CRACDL: variants seen among roughly 807,000 people sequenced by gnomAD.
CRACDL encodes CRACD-like protein.
CRACDL carries 26 observed loss-of-function variants against 70.6 expected under a neutral mutation model. That is an observed-to-expected ratio of 0.37 (90% CI 0.27 to 0.51). The LOEUF is 0.51. Ranked by LOEUF, CRACDL falls within the 20% of genes least tolerant of loss-of-function variation. CRACDL has a pLI of 0.94. For synonymous variants in CRACDL, 618 were observed against 615.2 expected (o/e 1.00, Z -0.07); for missense variants, 1,283 against 1,376.9 (o/e 0.93, Z 1.08).
At chr2:98,928,382 TACAG>T (rs1052020748) in intron 1 of CRACDL, among the ~76,000 whole-genome samples, 3 of 152,136 alleles carry the variant, frequency 2.0e-5, no homozygotes, top group African/African-American at 4.8e-5. Flanking sequence ...GGCTTGATGG[TACAG>T]ACAGTTACTG....
At chr2:98,797,934 CTT>C (rs1331882232) in intron 7 of CRACDL, among the ~76,000 whole-genome samples, 3 of 152,182 alleles carry the variant, frequency 2.0e-5, no homozygotes, top group Non-Finnish European at 4.4e-5. Flanking sequence ...CTATTAATCT[CTT>C]GTCTTCTAAA....
At chr2:98,852,120 G>T (rs1706505743) in intron 1 of CRACDL, among the ~76,000 whole-genome samples, 1 of 152,130 alleles carries the variant, frequency 6.6e-6, no homozygotes, top group Non-Finnish European at 1.5e-5. Flanking sequence ...TGCCAGAGCA[G>T]ATGGAAACTG....
chr2:98,881,446 T>A (rs1327971928), intron 1 of CRACDL, among the ~76,000 whole-genome samples: 3 of 152,194 alleles, frequency 2.0e-5, no homozygotes, highest in Admixed American at 6.5e-5. Flanking sequence ...CAGCTGCACA[T>A]CAGAATTGCC....
intron 1 of CRACDL, among the ~76,000 whole-genome samples, chr2:98,934,401 G>A (rs1447190035): frequency 6.6e-6 from 1 of 151,826 alleles, no homozygotes; most frequent in African/African-American, 2.4e-5. Flanking sequence ...CACCACGTTG[G>A]CCAGACTGGT....
chr2:98,884,620 G>A (rs183348282), intron 1 of CRACDL, among the ~76,000 whole-genome samples: 19 of 152,304 alleles, frequency 1.2e-4, no homozygotes, highest in Non-Finnish European at 1.9e-4. Flanking sequence ...ATTAGGAGGT[G>A]GGACCTTTGG....
At chr2:98,891,870 T>C in intron 1 of CRACDL, among the ~76,000 whole-genome samples, 1 of 152,234 alleles carries the variant, frequency 6.6e-6, no homozygotes. Context: ...CCATCCTTGA[T>C]TTATAAAGAG....
intron 1 of CRACDL, among the ~76,000 whole-genome samples, chr2:98,926,733 T>C (rs997336577): frequency 6.6e-6 from 1 of 152,234 alleles, no homozygotes; most frequent in Non-Finnish European, 1.5e-5. Flanking sequence ...ATGTTGTTCA[T>C]AAACCGAATG....
At chr2:98,807,276 G>C (rs1385324101) in intron 7 of CRACDL, among the ~76,000 whole-genome samples, 1 of 152,152 alleles carries the variant, frequency 6.6e-6, no homozygotes, top group Non-Finnish European at 1.5e-5. Context: ...CCTCATGACT[G>C]TCCTATAAAA....
intron 1 of CRACDL, among the ~76,000 whole-genome samples, chr2:98,920,333 T>C (rs143967233): frequency 6.6e-6 from 1 of 152,246 alleles, no homozygotes; most frequent in Non-Finnish European, 1.5e-5. Context: ...ACCTGTCACA[T>C]CTACTGACCT....
At chr2:98,931,304 G>A (rs1266368057) in intron 1 of CRACDL, among the ~76,000 whole-genome samples, 9 of 135,234 alleles carry the variant, frequency 6.7e-5, no homozygotes, top group South Asian at 5.0e-4. Flanking sequence ...CAGCCTGGGC[G>A]ACAGAGCAAG....
intron 6 of CRACDL, among the ~76,000 whole-genome samples, chr2:98,826,231 C>G (rs1440340855): frequency 1.3e-5 from 2 of 152,236 alleles, no homozygotes; most frequent in African/African-American, 2.4e-5. Context: ...AGGGGTCTGT[C>G]TTTCCGAGGC....
intron 1 of CRACDL, among the ~76,000 whole-genome samples, chr2:98,863,937 G>A (rs1217353826): frequency 6.6e-6 from 1 of 152,142 alleles, no homozygotes; most frequent in African/African-American, 2.4e-5. Context: ...TTTTTAATGC[G>A]TAGTGTTTCC....
intron 1 of CRACDL, among the ~76,000 whole-genome samples, chr2:98,854,847 A>G (rs1706633276): frequency 6.6e-6 from 1 of 152,244 alleles, no homozygotes; most frequent in Non-Finnish European, 1.5e-5. Context: ...TAGAAGCAAT[A>G]TATGATCCAG....
chr2:98,860,487 TG>T (rs555641414), intron 1 of CRACDL, among the ~76,000 whole-genome samples: 108 of 152,330 alleles, frequency 7.1e-4, no homozygotes, highest in Middle Eastern at 3.4e-3. Context: ...TATGGCCAAT[TG>T]ATTTTCAATG....
chr2:98,861,925 C>T (rs1300588515), intron 1 of CRACDL, among the ~76,000 whole-genome samples: 1 of 152,214 alleles, frequency 6.6e-6, no homozygotes, highest in East Asian at 1.9e-4. Context: ...CACTAGGGAT[C>T]TGTCCTCTGG....
At chr2:98,910,435 C>T (rs1357769568) in intron 1 of CRACDL, among the ~76,000 whole-genome samples, 2 of 151,976 alleles carry the variant, frequency 1.3e-5, no homozygotes, top group East Asian at 3.9e-4. Context: ...GCAGGAGAAT[C>T]ACTTGAACCT....
chr2:98,922,327 C>T (rs564162360), intron 1 of CRACDL, among the ~76,000 whole-genome samples: 1 of 151,402 alleles, frequency 6.6e-6, no homozygotes, highest in South Asian at 2.1e-4. Context: ...GTAGTCCCAG[C>T]TACTCAGGAG....
At chr2:98,853,880 A>G (rs1706585184) in intron 1 of CRACDL, among the ~76,000 whole-genome samples, 1 of 152,226 alleles carries the variant, frequency 6.6e-6, no homozygotes, top group South Asian at 2.1e-4. Context: ...TAATGCAAAG[A>G]AGTTTAGCTA....
Position 98,795,040 on chromosome 2 carries a change from A to AATATATAAAAATTTATATATATAT in CRACDL, c.2750-370_2750-369insATATATATATAAATTTTTATATAT, listed in dbSNP as rs1329934418. Among the ~76,000 whole-genome samples, 37 of 27,696 alleles carry AATATATAAAAATTTATATATATAT rather than the reference A, an allele frequency of 1.3e-3. 4 individuals carry two copies. Among genetic ancestry groups the AATATATAAAAATTTATATATATAT allele is most frequent in the African/African-American group, 4.2e-3 (25 of 6,018 alleles). The allele number at this position is 27,696 out of a possible 152,430, so 18.2% of individuals were successfully genotyped here. ...GTTATGTGCCCTTACCATAATTAAA[A>AATATATAAAAATTTATATATATAT]ATATATATATATATATATATATATA... On this transcript the variant is annotated intron_variant, in intron 9 of 9. Coordinates refer to ENST00000397899, the MANE Select transcript of CRACDL (RefSeq NM_207362.3).
Sources: gnomAD v4.1 joint callset for allele counts (sites outside exome capture counted in the v4.1 genomes callset) on GRCh38, gnomAD v4.1.1 for gene constraint, MANE v1.5 for transcripts, NCBI Gene and HGNC (gene_info 2026-07-23, HGNC 2026-07-21) for gene names.